PBX1: variants seen among roughly 807,000 people sequenced by gnomAD.
The protein encoded by PBX1 is PBX homeobox 1.
A neutral mutation model predicts 53.4 loss-of-function variants in PBX1; 6 were observed. That is an observed-to-expected ratio of 0.11 (90% CI 0.06 to 0.22). PBX1 has a LOEUF of 0.22. Among genes scored for constraint, PBX1 ranks in the 10% least tolerant of loss-of-function variants. The probability of loss-of-function intolerance (pLI) is 1.00; values close to 1 mark genes in which losing one functional copy is unlikely to be tolerated. For synonymous variants in PBX1, 204 were observed against 212.3 expected (o/e 0.96, Z 0.34); for missense variants, 251 against 551.4 (o/e 0.46, Z 5.46).
chr1:164,689,625 G>A (rs1662343346), intron 2 of PBX1, among the ~76,000 whole-genome samples: 1 of 152,198 alleles, frequency 6.6e-6, no homozygotes, highest in African/African-American at 2.4e-5. Flanking sequence ...GATTGCACAG[G>A]AAATTCTGGG....
chr1:164,690,375 G>A (rs1215384837), intron 2 of PBX1, among the ~76,000 whole-genome samples: 1 of 152,180 alleles, frequency 6.6e-6, no homozygotes, highest in Admixed American at 6.5e-5. Flanking sequence ...GGAAGTGGTT[G>A]TCAGGCCTAC....
intron 2 of PBX1, among the ~76,000 whole-genome samples, chr1:164,707,858 A>C (rs924993526): frequency 6.6e-6 from 1 of 152,194 alleles, no homozygotes; most frequent in African/African-American, 2.4e-5. Context: ...AGGACTAAGA[A>C]CCAAGCAAAT....
intron 2 of PBX1, among the ~76,000 whole-genome samples, chr1:164,703,494 A>G (rs1432250301): frequency 1.3e-5 from 2 of 152,178 alleles, no homozygotes. Flanking sequence ...GATCTGTGGC[A>G]TGACAGGCCT....
chr1:164,725,016 A>G (rs1486322777), intron 2 of PBX1, among the ~76,000 whole-genome samples: 2 of 152,074 alleles, frequency 1.3e-5, no homozygotes, highest in Non-Finnish European at 2.9e-5. Context: ...ATGCTGTGGT[A>G]TCATAGGAAA....
chr1:164,781,469 G>A (rs970200522), intron 2 of PBX1, among the ~76,000 whole-genome samples: 1 of 152,132 alleles, frequency 6.6e-6, no homozygotes, highest in South Asian at 2.1e-4. Flanking sequence ...GCAAATTACA[G>A]GTACTCAGCC....
chr1:164,675,451 C>A (rs778267582), intron 2 of PBX1, among the ~76,000 whole-genome samples: 1 of 152,130 alleles, frequency 6.6e-6, no homozygotes, highest in Non-Finnish European at 1.5e-5. Flanking sequence ...CTTCCTAGCT[C>A]CTCTCTGGGG....
At chr1:164,753,871 A>C (rs181105228) in intron 2 of PBX1, among the ~76,000 whole-genome samples, 1 of 152,198 alleles carries the variant, frequency 6.6e-6, no homozygotes, top group South Asian at 2.1e-4. Flanking sequence ...GGAAACGGGA[A>C]TGATGCAGTT....
At position 164,849,517 on chromosome 1, in the gene PBX1, G is replaced by A. The variant is rs1671730287; in HGVS notation, c.*2841G>A. 2.8e-6 allele frequency: 4 copies of A among 1,448,784 alleles called. No individual in the cohort carries two copies. The highest frequency in any genetic ancestry group is 3.7e-6 in the Non-Finnish European group (4 of 1,076,682). 89.7% of individuals were successfully genotyped at this position (1,448,784 alleles called of 1,614,324 possible). A position where few individuals can be genotyped will look rare whatever the true frequency, so the allele number is the denominator to read the frequency against. ...GAATTCACATGAGGCCAGTCCTACA[G>A]AGAGCAAGATGCACCCCAGGATTTC... On this transcript the variant is annotated 3_prime_UTR_variant, in exon 9 of 9. Transcript: ENST00000420696.
rs1309450229 is a variant in PBX1, at chr1:164,847,207, C to G, written c.*531C>G. ...AATACTCCACATTGCCCTATTCATT[C>G]CAGGCCTCCCTGCTTCCTCTTGCTC... On this transcript the variant is annotated 3_prime_UTR_variant, in exon 9 of 9. Coordinates refer to ENST00000420696, the MANE Select transcript of PBX1 (RefSeq NM_002585.4). The G allele has an allele frequency of 9.3e-7, 1 of 1,074,872 alleles. No homozygotes were observed. The highest frequency in any genetic ancestry group is 1.6e-5 in the African/African-American group (1 of 61,426). 66.6% of individuals were successfully genotyped at this position (1,074,872 alleles called of 1,614,324 possible).
chr1:164,871,984 C>T (rs1672394564), intron 2 of PBX1, among the ~76,000 whole-genome samples: 1 of 152,044 alleles, frequency 6.6e-6, no homozygotes, highest in Non-Finnish European at 1.5e-5. Flanking sequence ...AGCATGTGTT[C>T]AATAAATATT....
At chr1:164,800,068 T>TA (rs1668993078) in intron 4 of PBX1, among the ~76,000 whole-genome samples, 179 bp downstream of exon 4, 1 of 152,098 alleles carries the variant, frequency 6.6e-6, no homozygotes, top group Non-Finnish European at 1.5e-5. Context: ...ACCAGGAAAA[T>TA]ACATGGTTGG....
intron 8 of PBX1, among the ~76,000 whole-genome samples, chr1:164,845,719 T>C (rs572184095): frequency 6.6e-6 from 1 of 152,290 alleles, no homozygotes; most frequent in East Asian, 1.9e-4. Flanking sequence ...TGCTCCTGGA[T>C]CTAGAGTCTT....
At chr1:164,578,039 T>G (rs1654377572) in intron 2 of PBX1, among the ~76,000 whole-genome samples, 1 of 152,218 alleles carries the variant, frequency 6.6e-6, no homozygotes, top group Non-Finnish European at 1.5e-5. Context: ...GACACCCCCA[T>G]CCTCCTACTC....
At chr1:164,640,322 A>G (rs1044446201) in intron 2 of PBX1, among the ~76,000 whole-genome samples, 1 of 152,110 alleles carries the variant, frequency 6.6e-6, no homozygotes, top group African/African-American at 2.4e-5. Flanking sequence ...AAGTCCTGCT[A>G]AGAGCTCTTG....
intron 2 of PBX1, among the ~76,000 whole-genome samples, chr1:164,585,456 T>C (rs1365619294): frequency 6.6e-6 from 1 of 152,160 alleles, no homozygotes; most frequent in Non-Finnish European, 1.5e-5. Flanking sequence ...AGCATTTGCT[T>C]TAGTGGCTTT....
chr1:164,752,926 G>T (rs537254211), intron 2 of PBX1, among the ~76,000 whole-genome samples: 1 of 152,308 alleles, frequency 6.6e-6, no homozygotes, highest in South Asian at 2.1e-4. Context: ...GCTGCCTTTG[G>T]TGGGGAAAAT....
chr1:164,691,661 C>T (rs1009522461), intron 2 of PBX1, among the ~76,000 whole-genome samples: 11 of 152,138 alleles, frequency 7.2e-5, no homozygotes, highest in African/African-American at 2.4e-4. Flanking sequence ...TTTTCTCAAG[C>T]GCTGGTAGAA....
At chr1:164,856,804 A>G (rs2102437702), downstream of PBX1, among the ~76,000 whole-genome samples, 1 of 152,304 alleles carries the variant, frequency 6.6e-6, no homozygotes, top group African/African-American at 2.4e-5. Flanking sequence ...CACCTAGTGA[A>G]GTCTTCTGAA....
intron 2 of PBX1, among the ~76,000 whole-genome samples, chr1:164,651,055 C>T (rs1035000453): frequency 6.6e-6 from 1 of 152,206 alleles, no homozygotes; most frequent in Non-Finnish European, 1.5e-5. Context: ...GCTCCCACCC[C>T]AGCCTCCTTG....
Sources: allele counts gnomAD v4.1 joint callset (sites outside exome capture counted in the v4.1 genomes callset), GRCh38; gene constraint gnomAD v4.1.1; transcripts MANE v1.5; gene names NCBI Gene and HGNC (gene_info 2026-07-23, HGNC 2026-07-21).